LAYN: variants seen among roughly 807,000 people sequenced by gnomAD.
LAYN encodes the protein layilin.
In LAYN, 38 loss-of-function variants were observed where a neutral mutation model predicts 43.6. The observed-to-expected ratio is 0.87, with a 90% confidence interval of 0.67 to 1.14. The LOEUF (loss-of-function observed/expected upper bound fraction) is 1.14. LAYN is among the 50% of genes most tolerant of loss of function. The pLI is 0.00. For synonymous variants in LAYN, 168 were observed against 172.9 expected (o/e 0.97, Z 0.22); for missense variants, 479 against 463.8 (o/e 1.03, Z -0.30).
At chr11:111,559,811 T>G (rs1053759788) in intron 6 of LAYN, among the ~76,000 whole-genome samples, 1 of 152,094 alleles carries the variant, frequency 6.6e-6, no homozygotes, top group Non-Finnish European at 1.5e-5. Context: ...ATTTTTTCTC[T>G]ATTCAGTTCT....
chr11:111,542,295 T>G (rs758581237), intron 1 of LAYN, among the ~76,000 whole-genome samples: 1 of 152,218 alleles, frequency 6.6e-6, no homozygotes, highest in African/African-American at 2.4e-5. Context: ...CCTCCTAATG[T>G]GCTGCTGGAC....
At chr11:111,546,050 C>G (rs1867643313) in intron 2 of LAYN, among the ~76,000 whole-genome samples, 1 of 152,194 alleles carries the variant, frequency 6.6e-6, no homozygotes. Context: ...TAGCCTTCAT[C>G]TCTGCCACTA....
intron 1 of LAYN, 106 bp downstream of exon 1, chr11:111,541,034 C>A: frequency 9.9e-7 from 1 of 1,010,192 alleles, no homozygotes; most frequent in Non-Finnish European, 1.4e-6. Context: ...AGAAGGCCGT[C>A]CCATGCCCCA....
chr11:111,555,875 A>G (rs983821496), intron 5 of LAYN, among the ~76,000 whole-genome samples: 2 of 152,182 alleles, frequency 1.3e-5, no homozygotes, highest in African/African-American at 2.4e-5. Context: ...GGAAGTAATA[A>G]TATTTTTCTT....
At position 111,557,634 on chromosome 11, in the gene LAYN, G is replaced by A; in HGVS notation, c.752G>A (p.Cys251Tyr). 3.1e-6 allele frequency: 5 copies of A among 1,612,166 alleles called. No individual in the cohort carries two copies. In the African/African-American group the frequency reaches 4.0e-5, roughly 13 times the overall value. Residue 251 changes from cysteine (C) to tyrosine (Y), a missense_variant, in exon 6 of 7, where the codon TGT becomes TAT. Transcript: ENST00000375614. The stretch of plus-strand genomic sequence containing the variant: ...ACAGTTGTATGTTGGGTTTGGATCT[G>A]TAGAAAAAGGCAAGTAAAACCTTCA... ...VTTVVCWVWI[C>Y]RKRKREQPDP... is the part of the protein sequence containing the mutation.
chr11:111,559,205 C>A (rs895252826), intron 6 of LAYN, among the ~76,000 whole-genome samples: 2 of 152,234 alleles, frequency 1.3e-5, no homozygotes, highest in South Asian at 4.1e-4. Flanking sequence ...AATACATGTA[C>A]TCCTTTATTA....
At chr11:111,545,856 G>A (rs546510918) in intron 2 of LAYN, among the ~76,000 whole-genome samples, 6 of 152,212 alleles carry the variant, frequency 3.9e-5, no homozygotes, top group Non-Finnish European at 8.8e-5. Flanking sequence ...GGGCACGTGA[G>A]TTATTGCCTT....
At chr11:111,551,843 G>GA (rs1867748911) in intron 3 of LAYN, among the ~76,000 whole-genome samples, 1 of 152,114 alleles carries the variant, frequency 6.6e-6, no homozygotes, top group African/African-American at 2.4e-5. Flanking sequence ...CAGTAGATTA[G>GA]AAAATAGTAT....
chr11:111,560,008 C>T, intron 6 of LAYN, 87 bp from the exon 7 acceptor site: 2 of 1,468,614 alleles, frequency 1.4e-6, no homozygotes, highest in South Asian at 2.8e-5. Flanking sequence ...CTGCCCAGGG[C>T]TGCTTCCTCT....
rs1867600480 is a variant in LAYN, at chr11:111,544,100, A to G, written c.263A>G (p.Asn88Ser). Residue 88 changes from asparagine to serine, a missense_variant, in exon 2 of 7, where the codon AAC (asparagine) becomes AGC (serine). Asn to Ser is a conservative substitution (Grantham distance 46). Transcript: ENST00000375614. The part of the protein sequence containing the change: ...EQKLIEKFIE[N>S]LLPSDGDFWI... ...AAACTGATAGAAAAGTTCATTGAAA[A>G]CCTCTTGCCATCTGATGGTGACTTC... The G allele has an allele frequency of 8.7e-6, 14 of 1,613,608 alleles. No individual in the cohort carries two copies. Among genetic ancestry groups the G allele is most frequent in the Non-Finnish European group, 1.1e-5 (13 of 1,179,944 alleles).
chr11:111,556,220 A>T (rs1867837594), intron 5 of LAYN, among the ~76,000 whole-genome samples: 1 of 152,228 alleles, frequency 6.6e-6, no homozygotes, highest in Non-Finnish European at 1.5e-5. Flanking sequence ...AAATGAAAAG[A>T]CACACAGCAG....
upstream of LAYN, chr11:111,540,498 C>G (rs1431403615): frequency 2.6e-6 from 1 of 378,362 alleles, no homozygotes; most frequent in Admixed American, 5.1e-5. Context: ...CTCCGCCCAG[C>G]GCCTCGGGCA....
chr11:111,551,322 C>T (rs1867740647), intron 3 of LAYN: 1 of 456,132 alleles, frequency 2.2e-6, no homozygotes, highest in Admixed American at 2.4e-5. Context: ...CTTTGCCTCT[C>T]ATTGGCTAAG....
At chr11:111,558,730 T>C (rs999368737) in intron 6 of LAYN, among the ~76,000 whole-genome samples, 2 of 150,970 alleles carry the variant, frequency 1.3e-5, no homozygotes, top group Admixed American at 6.6e-5. Flanking sequence ...TGGTGAGGCC[T>C]ATGGACTCCT....
chr11:111,554,704 G>GTAT (rs1867804110), intron 4 of LAYN, 111 bp downstream of exon 4: 3 of 930,532 alleles, frequency 3.2e-6, no homozygotes, highest in Admixed American at 2.2e-5. Flanking sequence ...AAAACTAGTG[G>GTAT]TATTAACTCA....
chr11:111,555,539 G>A (rs138103992), intron 5 of LAYN, among the ~76,000 whole-genome samples: 1 of 152,288 alleles, frequency 6.6e-6, no homozygotes, highest in East Asian at 1.9e-4. Flanking sequence ...ACAGAGCCTT[G>A]GGAGCCACTC....
chr11:111,558,777 T>TAA (rs61161767), intron 6 of LAYN, among the ~76,000 whole-genome samples: 120,157 of 142,462 alleles, frequency 0.84, 51,774 homozygotes, highest in East Asian at 0.96. Context: ...TTATTTTATT[T>TAA]AAAAAAATAT....
intron 6 of LAYN, among the ~76,000 whole-genome samples, chr11:111,559,848 G>A (rs113977266): frequency 0.012 from 1,828 of 152,026 alleles, 37 homozygotes; most frequent in African/African-American, 0.041. Context: ...GGGACTCTAG[G>A]GAACCCCAGG....
At chr11:111,558,777 T>TAAA (rs61161767) in intron 6 of LAYN, among the ~76,000 whole-genome samples, 1,473 of 142,562 alleles carry the variant, frequency 0.01, 6 homozygotes, top group Middle Eastern at 0.022. Flanking sequence ...TTATTTTATT[T>TAAA]AAAAAAATAT....
Sources: allele counts gnomAD v4.1 joint callset (sites outside exome capture counted in the v4.1 genomes callset), GRCh38; gene constraint gnomAD v4.1.1; transcripts MANE v1.5; gene names NCBI Gene and HGNC (gene_info 2026-07-23, HGNC 2026-07-21).